The following ZNF804B variants were observed in gnomAD, a reference collection of about 807,000 sequenced individuals.
ZNF804B encodes the protein zinc finger 804B.
A neutral mutation model predicts 101.4 loss-of-function variants in ZNF804B; 80 were observed. The ratio of observed to expected loss-of-function variants is 0.79; its 90% confidence interval spans 0.66 to 0.95. The LOEUF (loss-of-function observed/expected upper bound fraction) is 0.95, where lower values mean the gene tolerates loss of function less well. ZNF804B is among the 40% of genes least tolerant of loss of function. The pLI is 0.00. For synonymous variants in ZNF804B, 622 were observed against 558.8 expected (o/e 1.11, Z -1.59); for missense variants, 1,673 against 1,561.9 (o/e 1.07, Z -1.20).
chr7:88,761,687 C>A (rs1789899014), intron 1 of ZNF804B, among the ~76,000 whole-genome samples: 1 of 152,132 alleles, frequency 6.6e-6, no homozygotes, highest in Admixed American at 6.6e-5. Flanking sequence ...CCTTGCCCTC[C>A]TTTTGGTTAT....
chr7:89,066,367 G>A (rs189404965), intron 1 of ZNF804B, among the ~76,000 whole-genome samples: 3 of 152,170 alleles, frequency 2.0e-5, no homozygotes, highest in African/African-American at 7.2e-5. Flanking sequence ...GGATCAAATT[G>A]CAATAAAATC....
chr7:88,946,518 C>A (rs569706374), intron 1 of ZNF804B, among the ~76,000 whole-genome samples: 1 of 149,068 alleles, frequency 6.7e-6, no homozygotes, highest in Non-Finnish European at 1.5e-5. Context: ...AGGTTTATTG[C>A]GTCGATGTTC....
intron 1 of ZNF804B, among the ~76,000 whole-genome samples, chr7:89,113,001 CTT>C (rs1452791429): frequency 4.6e-5 from 7 of 152,110 alleles, no homozygotes; most frequent in African/African-American, 1.7e-4. Context: ...ATTTAAAAAT[CTT>C]CAACATACAT....
rs371858463 is a variant in ZNF804B at position 89,178,385 on chromosome 7, A to G, written c.109-39770A>G. Among the ~76,000 whole-genome samples the G allele has an allele frequency of 8.0e-4, 119 of 149,494 alleles. 1 individual carries two copies. In the South Asian group the frequency reaches 0.025, roughly 31 times the overall value. ...TATAAAATTTATTTTTTATAGTGCTATATTTTAATTTCTTGATTTTTATTT... is the reference window on the plus strand; with the variant it reads ...TATAAAATTTATTTTTTATAGTGCTGTATTTTAATTTCTTGATTTTTATTT... On this transcript the variant is annotated intron_variant, in intron 1 of 3. Transcript: ENST00000333190.
intron 1 of ZNF804B, among the ~76,000 whole-genome samples, chr7:88,976,143 T>A (rs1157215708): frequency 6.6e-6 from 1 of 150,482 alleles, no homozygotes; most frequent in Admixed American, 6.6e-5. Context: ...TAATTTGAAG[T>A]CAAGTATTAG....
intron 1 of ZNF804B, among the ~76,000 whole-genome samples, chr7:89,194,789 G>T (rs369379604): frequency 3.3e-5 from 5 of 149,456 alleles, no homozygotes; most frequent in African/African-American, 9.9e-5. Flanking sequence ...TTGACTTGGC[G>T]ATGCGGGCTC....
Position 89,080,161 on chromosome 7 carries a change from G to A in ZNF804B, c.109-137994G>A, listed in dbSNP as rs140627584. On this transcript the variant is annotated intron_variant, in intron 1 of 3. Coordinates refer to ENST00000333190, the MANE Select transcript of ZNF804B (RefSeq NM_181646.5). Reference sequence around the variant, plus strand: ...TGCCTTGGACCAGGGCAGTGGTGGTGGTGACAGGTAATCAAAGATTGGGTC... The same window carrying A: ...TGCCTTGGACCAGGGCAGTGGTGGTAGTGACAGGTAATCAAAGATTGGGTC... Among the ~76,000 whole-genome samples the A allele has an allele frequency of 2.5e-3, 374 of 151,902 alleles. 1 individual carries two copies. The highest frequency in any genetic ancestry group is 8.1e-3 in the African/African-American group (336 of 41,486).
intron 1 of ZNF804B, among the ~76,000 whole-genome samples, chr7:89,011,084 A>G (rs1788453671): frequency 1.3e-5 from 2 of 152,190 alleles, no homozygotes; most frequent in South Asian, 2.1e-4. Flanking sequence ...CAGGAAACTT[A>G]CAATCATGGC....
chr7:89,188,146 A>G (rs1788402468), intron 1 of ZNF804B, among the ~76,000 whole-genome samples: 1 of 151,732 alleles, frequency 6.6e-6, no homozygotes, highest in African/African-American at 2.4e-5. Context: ...TTCTCCCGAC[A>G]GCCTGTGCTC....
intron 1 of ZNF804B, 97 bp from the exon 2 acceptor site, chr7:89,218,058 C>A (rs1788923706): frequency 8.0e-7 from 1 of 1,249,396 alleles, no homozygotes; most frequent in Non-Finnish European, 1.1e-6. Context: ...TGTGCTCCGT[C>A]ATATTTCTTT....
At chr7:89,184,841 AT>A (rs1788353367) in intron 1 of ZNF804B, among the ~76,000 whole-genome samples, 1 of 151,176 alleles carries the variant, frequency 6.6e-6, no homozygotes, top group African/African-American at 2.4e-5. Context: ...TGAAATGTAC[AT>A]TTTGACAAAA....
At chr7:88,876,004 A>G (rs991619742) in intron 1 of ZNF804B, among the ~76,000 whole-genome samples, 1 of 152,194 alleles carries the variant, frequency 6.6e-6, no homozygotes, top group African/African-American at 2.4e-5. Context: ...GGCTGGTTCA[A>G]TATATGCAAA....
intron 1 of ZNF804B, among the ~76,000 whole-genome samples, chr7:88,947,086 C>T (rs551930670): frequency 2.0e-5 from 3 of 151,874 alleles, no homozygotes; most frequent in Non-Finnish European, 1.5e-5. Flanking sequence ...ATTAGTTAAA[C>T]CATTGTGGAA....
chr7:89,014,916 C>A (rs1433199450), intron 1 of ZNF804B, among the ~76,000 whole-genome samples: 1 of 152,156 alleles, frequency 6.6e-6, no homozygotes, highest in Non-Finnish European at 1.5e-5. Flanking sequence ...ATTCATAAAA[C>A]CTTTTCCCAG....
intron 1 of ZNF804B, among the ~76,000 whole-genome samples, chr7:88,829,943 C>T (rs1791107333): frequency 6.6e-6 from 1 of 152,082 alleles, no homozygotes; most frequent in African/African-American, 2.4e-5. Flanking sequence ...ATCTCAAATA[C>T]ATTTCTAAAC....
intron 1 of ZNF804B, among the ~76,000 whole-genome samples, chr7:88,972,017 T>G (rs537422950): frequency 2.6e-4 from 40 of 151,508 alleles, no homozygotes; most frequent in Non-Finnish European, 4.0e-4. Flanking sequence ...TAGTGATATA[T>G]TGAGAAATAA....
At chr7:88,819,293 T>C (rs1226198733) in intron 1 of ZNF804B, among the ~76,000 whole-genome samples, 2 of 152,086 alleles carry the variant, frequency 1.3e-5, no homozygotes, top group African/African-American at 2.4e-5. Flanking sequence ...CTGGCTATTT[T>C]TTTTTTCTTG....
At chr7:89,135,748 A>T (rs915845132) in intron 1 of ZNF804B, among the ~76,000 whole-genome samples, 2 of 152,078 alleles carry the variant, frequency 1.3e-5, no homozygotes, top group East Asian at 1.9e-4. Flanking sequence ...GTTATAAAAA[A>T]CTATTACATA....
intron 2 of ZNF804B, among the ~76,000 whole-genome samples, chr7:89,296,047 A>G (rs891843022): frequency 6.6e-6 from 1 of 152,096 alleles, no homozygotes; most frequent in Non-Finnish European, 1.5e-5. Flanking sequence ...ATTAGATACA[A>G]TGTGCACTAC....
Sources: allele counts gnomAD v4.1 joint callset (sites outside exome capture counted in the v4.1 genomes callset), GRCh38; gene constraint gnomAD v4.1.1; transcripts MANE v1.5; gene names NCBI Gene and HGNC (gene_info 2026-07-23, HGNC 2026-07-21).